Variants in KYAT1 observed in about 807,000 individuals in gnomAD.
KYAT1 encodes the protein kynurenine--oxoglutarate transaminase 1.
In KYAT1, 47 loss-of-function variants were observed where a neutral mutation model predicts 52.4. That is an observed-to-expected ratio of 0.90 (90% CI 0.71 to 1.14). The LOEUF (loss-of-function observed/expected upper bound fraction) is 1.14. Among genes scored for constraint, KYAT1 ranks in the 50% most tolerant of loss-of-function variants. The probability of loss-of-function intolerance (pLI) is 0.00; values close to 1 mark genes in which losing one functional copy is unlikely to be tolerated. For synonymous variants in KYAT1, 212 were observed against 209.6 expected (o/e 1.01, Z -0.10); for missense variants, 480 against 557.9 (o/e 0.86, Z 1.41).
chr9:128,837,693 G>C lies in KYAT1; in HGVS notation c.559C>G (p.Leu187Val). 2 of 1,614,144 alleles carry C rather than the reference G, an allele frequency of 1.2e-6. No homozygotes were observed. Among genetic ancestry groups the C allele is most frequent in the South Asian group, 2.2e-5 (2 of 91,078 alleles). Residue 187 changes from leucine to valine, a missense_variant, in exon 6 of 13, where the codon CTG becomes GTG. By Grantham distance (32) the Leu-to-Val change is conservative (BLOSUM62 1). Transcript: ENST00000302586. ...GGAGGTCCCTCCAGTACCTTGCCCA[G>C]GGGGTTGTTGGGGGTGTTGAGGACC... ...ALVLNTPNNP[L>V]GKVFSREELE...
chr9:128,835,150 AG>A, intron 11 of KYAT1, 172 bp downstream of exon 11: 1 of 638,580 alleles, frequency 1.6e-6, no homozygotes, highest in South Asian at 1.8e-5. Context: ...AAAAAAAAAA[AG>A]AAAGAAAAAA....
chr9:128,847,574 G>A (rs777713810), intron 1 of KYAT1: 3 of 1,414,406 alleles, frequency 2.1e-6, no homozygotes, highest in East Asian at 2.5e-5. Flanking sequence ...AGAGGCAGGG[G>A]AGAAGGGAGG....
intron 6 of KYAT1, among the ~76,000 whole-genome samples, chr9:128,837,406 C>T (rs1028360549): frequency 2.0e-5 from 3 of 152,222 alleles, no homozygotes; most frequent in African/African-American, 7.2e-5. Context: ...CAGGTTCCCA[C>T]ATTACAGATG....
chr9:128,881,324 G>A (rs1195156123), intron 1 of KYAT1, among the ~76,000 whole-genome samples: 1 of 151,994 alleles, frequency 6.6e-6, no homozygotes, highest in African/African-American at 2.4e-5. Flanking sequence ...CTCGTGATCC[G>A]CCCGCCTCGG....
intron 1 of KYAT1, among the ~76,000 whole-genome samples, chr9:128,878,885 G>A (rs578053901): frequency 6.6e-6 from 1 of 152,306 alleles, no homozygotes; most frequent in African/African-American, 2.4e-5. Flanking sequence ...CTTGGAGGAG[G>A]TGGCATCAGC....
At chr9:128,843,481 C>T (rs991414721) in intron 2 of KYAT1, among the ~76,000 whole-genome samples, 5 of 151,788 alleles carry the variant, frequency 3.3e-5, no homozygotes, top group Middle Eastern at 3.4e-3. Flanking sequence ...CGAGGTCAAG[C>T]GATTCTCATG....
chr9:128,869,408 G>T (rs1044805480), intron 1 of KYAT1, among the ~76,000 whole-genome samples: 1 of 151,792 alleles, frequency 6.6e-6, no homozygotes, highest in Non-Finnish European at 1.5e-5. Context: ...TGATCTGCCC[G>T]CCTCGGCCTC....
Position 128,833,304 on chromosome 9 carries a change from C to A in KYAT1, c.*280G>T. On this transcript the variant is annotated 3_prime_UTR_variant, in exon 13 of 13. Coordinates refer to ENST00000302586, the MANE Select transcript of KYAT1 (RefSeq NM_004059.5). ...AAGTCTACCGTCCGTCTCAGCCAAG[C>A]CTGGAGAGACCAGAAGCAACACAAG... is the stretch of plus-strand genomic sequence containing the variant. 1 of 569,264 alleles carries A rather than the reference C, an allele frequency of 1.8e-6. No homozygotes were observed. The highest frequency in any genetic ancestry group is 4.8e-4 in the Middle Eastern group (1 of 2,104). The allele number at this position is 569,264 out of a possible 1,614,324, so 35.3% of individuals were successfully genotyped here.
chr9:128,868,353 A>C (rs1350885053), intron 1 of KYAT1, among the ~76,000 whole-genome samples: 1 of 151,890 alleles, frequency 6.6e-6, no homozygotes, highest in African/African-American at 2.4e-5. Context: ...TACAGGCGTG[A>C]GCCATCATGC....
In KYAT1 at chr9:128,845,409, G is replaced by A. The variant is rs574129326; in HGVS notation, c.-4C>T. 6.2e-6 allele frequency: 10 copies of A among 1,613,758 alleles called. No individual in the cohort carries two copies. Among genetic ancestry groups the A allele is most frequent in the South Asian group, 5.5e-5 (5 of 91,076 alleles). On this transcript the variant is annotated splice_region_variant and 5_prime_UTR_variant, in exon 2 of 13. Coordinates refer to ENST00000302586, the MANE Select transcript of KYAT1 (RefSeq NM_004059.5). The stretch of plus-strand genomic sequence containing the variant: ...GGGCCTGCAGCTGTTTGGCCATGGC[G>A]AGCTGGAGACGAACAAGTGGAAGGT...
chr9:128,865,565 T>C (rs1836259074), intron 1 of KYAT1, among the ~76,000 whole-genome samples: 1 of 150,858 alleles, frequency 6.6e-6, no homozygotes, highest in South Asian at 2.1e-4. Context: ...TTTCACTACG[T>C]TGTCCAGGCT....
intron 3 of KYAT1, among the ~76,000 whole-genome samples, chr9:128,839,712 C>T (rs1831795243): frequency 6.6e-6 from 1 of 152,224 alleles, no homozygotes; most frequent in East Asian, 1.9e-4. Flanking sequence ...AACTCAGTAA[C>T]TCACTAAACC....
chr9:128,837,050 T>A, intron 6 of KYAT1, 128 bp from the exon 7 acceptor site: 1 of 1,229,594 alleles, frequency 8.1e-7, no homozygotes, highest in Non-Finnish European at 1.1e-6. Flanking sequence ...TCCTAGCACT[T>A]TGGGAGGCCG....
At chr9:128,836,127 A>C in intron 7 of KYAT1, 54 bp from the exon 8 acceptor site, 1 of 1,554,960 alleles carries the variant, frequency 6.4e-7, no homozygotes, top group Non-Finnish European at 8.8e-7. Context: ...GGGACGGGGG[A>C]GGATGGTGGT....
intron 1 of KYAT1, among the ~76,000 whole-genome samples, chr9:128,851,362 C>T (rs189708860): frequency 1.5e-3 from 231 of 152,204 alleles, no homozygotes; most frequent in Middle Eastern, 6.8e-3. Flanking sequence ...CTTGTGCGCT[C>T]GGAGGAATCC....
At chr9:128,854,564 T>G (rs1196417657) in intron 1 of KYAT1, among the ~76,000 whole-genome samples, 1 of 152,178 alleles carries the variant, frequency 6.6e-6, no homozygotes, top group Non-Finnish European at 1.5e-5. Flanking sequence ...GCTGACACAG[T>G]TAGCTGAAAA....
In KYAT1 at chr9:128,838,185, C is replaced by G. The variant is rs139845766; in HGVS notation, c.351+33G>C. On this transcript the variant is annotated intron_variant, in intron 4 of 12. Transcript: ENST00000302586. ...TGGAGTCAGCATGGCCCTGACCTCT[C>G]AGTCCCACTCAGCCCAAGTCTTGCC... 1.0e-3 allele frequency: 1,638 copies of G among 1,614,170 alleles called. 5 individuals carry two copies. In the African/African-American group the frequency reaches 0.015, roughly 14 times the overall value.
chr9:128,838,423 C>T, intron 3 of KYAT1, 56 bp from the exon 4 acceptor site: 3 of 1,605,046 alleles, frequency 1.9e-6, no homozygotes, highest in Non-Finnish European at 2.6e-6. Flanking sequence ...TCCTCCGGCC[C>T]AGCTGTATCC....
intron 3 of KYAT1, among the ~76,000 whole-genome samples, chr9:128,839,389 G>C (rs1052087472): frequency 6.6e-6 from 1 of 152,088 alleles, no homozygotes; most frequent in Non-Finnish European, 1.5e-5. Flanking sequence ...CTTTTTGAGA[G>C]GAAGATTAGA....
Sources: gnomAD v4.1 joint callset for allele counts (sites outside exome capture counted in the v4.1 genomes callset) on GRCh38, gnomAD v4.1.1 for gene constraint, MANE v1.5 for transcripts, NCBI Gene and HGNC (gene_info 2026-07-23, HGNC 2026-07-21) for gene names.